Variants in NDST3 observed in about 807,000 individuals in gnomAD.
The protein encoded by NDST3 is N-deacetylase and N-sulfotransferase 3.
In NDST3, 58 loss-of-function variants were observed where a neutral mutation model predicts 96.1. The observed-to-expected ratio is 0.60, with a 90% CI of 0.49 to 0.75. The LOEUF is 0.75. Among genes scored for constraint, NDST3 ranks in the 30% least tolerant of loss-of-function variants. NDST3 has a pLI of 0.00. For missense variants in NDST3, 788 were observed against 1,034.2 expected (o/e 0.76, Z 3.27); for synonymous variants, 333 against 359.7 (o/e 0.93, Z 0.84).
At chr4:118,097,030 T>C (rs1373262248) in intron 2 of NDST3, among the ~76,000 whole-genome samples, 2 of 151,970 alleles carry the variant, frequency 1.3e-5, no homozygotes, top group African/African-American at 2.4e-5. Flanking sequence ...TAAGACTTCA[T>C]GTGATTGGAT....
At chr4:118,210,200 C>A (rs866481128) in intron 6 of NDST3, among the ~76,000 whole-genome samples, 1 of 152,012 alleles carries the variant, frequency 6.6e-6, no homozygotes, top group African/African-American at 2.4e-5. Flanking sequence ...GGGGTCATTG[C>A]CTGCTCTGCT....
rs1459181018 is a variant in NDST3 at position 118,055,089 on chromosome 4, T to C, written c.981+198T>C. ...TCTGAATCAAGAAAAATAAAGATTT[T>C]ACTAAAAGATTGAGTGTGGCAGGAT... On this transcript the variant is annotated intron_variant, in intron 2 of 13. Transcript: ENST00000296499. 6 of 684,002 alleles carry C rather than the reference T, an allele frequency of 8.8e-6. No individual in the cohort carries two copies. The Admixed American group carries it at 1.6e-4, about 19-fold the overall frequency. The allele number at this position is 684,002 out of a possible 1,614,324, so 42.4% of individuals were successfully genotyped here.
chr4:118,084,777 TTTTG>T (rs1728287118), intron 2 of NDST3, among the ~76,000 whole-genome samples: 1 of 152,176 alleles, frequency 6.6e-6, no homozygotes, highest in South Asian at 2.1e-4. Flanking sequence ...TCCATAGGAA[TTTTG>T]TTTCTTACCA....
Position 118,255,600 on chromosome 4 carries a change from CATT to C in NDST3, c.2511_2513del (p.Phe838del). The C allele has an allele frequency of 6.2e-7, 1 of 1,611,922 alleles. No individual in the cohort carries two copies. Among genetic ancestry groups the C allele is most frequent in the Non-Finnish European group, 8.5e-7 (1 of 1,178,696 alleles). ...CTCCTCCTCTCCACTTAGAGCAGGA[CATT>C]TCTGTCAAGCTACTATCGAGATCAC... On this transcript the variant is annotated inframe_deletion, in exon 14 of 14. Transcript: ENST00000296499.
chr4:118,069,102 A>G (rs1230656914), intron 2 of NDST3, among the ~76,000 whole-genome samples: 1 of 151,466 alleles, frequency 6.6e-6, no homozygotes, highest in African/African-American at 2.4e-5. Flanking sequence ...AAGTAATGAA[A>G]GGTACATTGC....
intron 6 of NDST3, among the ~76,000 whole-genome samples, chr4:118,202,642 T>A (rs1025769324): frequency 1.2e-4 from 18 of 152,218 alleles, no homozygotes; most frequent in African/African-American, 4.1e-4. Flanking sequence ...TAGAAAATGC[T>A]ACTGATTTTT....
intron 10 of NDST3, among the ~76,000 whole-genome samples, chr4:118,238,216 AAAG>A (rs1233076153): frequency 2.2e-5 from 3 of 135,744 alleles, no homozygotes; most frequent in African/African-American, 8.9e-5. Context: ...AGAAAGAAAG[AAAG>A]AAAGAAAAAG....
intron 6 of NDST3, among the ~76,000 whole-genome samples, chr4:118,178,086 A>G (rs963426444): frequency 1.3e-5 from 2 of 152,034 alleles, no homozygotes; most frequent in South Asian, 2.1e-4. Context: ...AAAAAAAAGC[A>G]TAAGTCCTTT....
At chr4:118,198,150 C>A (rs1383790473) in intron 6 of NDST3, among the ~76,000 whole-genome samples, 1 of 151,988 alleles carries the variant, frequency 6.6e-6, no homozygotes, top group Non-Finnish European at 1.5e-5. Flanking sequence ...GAACTGTGTC[C>A]ATTTACATTC....
chr4:118,232,683 G>GGAAA (rs201457518), intron 8 of NDST3, among the ~76,000 whole-genome samples: 17,799 of 149,940 alleles, frequency 0.12, 1,262 homozygotes, highest in South Asian at 0.19. Context: ...GAAAAGAAAA[G>GGAAA]GAAAGAAACA....
At chr4:118,158,120 T>C (rs1433629697) in intron 6 of NDST3, among the ~76,000 whole-genome samples, 1 of 152,124 alleles carries the variant, frequency 6.6e-6, no homozygotes, top group African/African-American at 2.4e-5. Context: ...TATTTAAATT[T>C]GAAATGAGGA....
At chr4:118,145,346 T>A (rs532673386) in intron 6 of NDST3, among the ~76,000 whole-genome samples, 1 of 152,210 alleles carries the variant, frequency 6.6e-6, no homozygotes, top group African/African-American at 2.4e-5. Flanking sequence ...ACATTTACTT[T>A]CATCATAGAG....
intron 6 of NDST3, among the ~76,000 whole-genome samples, chr4:118,178,258 A>G (rs1174014555): frequency 2.0e-5 from 3 of 152,020 alleles, no homozygotes; most frequent in Admixed American, 1.3e-4. Flanking sequence ...GCACATTCAC[A>G]TTGTTGTGAC....
intron 2 of NDST3, among the ~76,000 whole-genome samples, chr4:118,067,591 T>C (rs964279897): frequency 1.3e-5 from 2 of 152,132 alleles, no homozygotes; most frequent in Admixed American, 6.6e-5. Context: ...CAGCTGCTCA[T>C]TGTATTCAAA....
At chr4:118,161,827 A>C (rs1430934220) in intron 6 of NDST3, among the ~76,000 whole-genome samples, 4 of 152,136 alleles carry the variant, frequency 2.6e-5, no homozygotes, top group Admixed American at 1.3e-4. Context: ...GAGCTTCCCG[A>C]GTGAGGCAAT....
At chr4:118,175,863 T>A (rs17049650) in intron 6 of NDST3, among the ~76,000 whole-genome samples, 6,929 of 152,196 alleles carry the variant, frequency 0.046, 307 homozygotes, top group African/African-American at 0.11. Context: ...AAATGTGTGT[T>A]CTCAGTGTGG....
At chr4:118,103,586 G>A (rs1195062286) in intron 2 of NDST3, among the ~76,000 whole-genome samples, 4 of 152,044 alleles carry the variant, frequency 2.6e-5, no homozygotes, top group African/African-American at 9.7e-5. Context: ...TCCAGCATCT[G>A]ACCTAGAAGT....
chr4:118,068,976 A>T (rs1468974120), intron 2 of NDST3, among the ~76,000 whole-genome samples: 2 of 152,076 alleles, frequency 1.3e-5, no homozygotes, highest in Admixed American at 1.3e-4. Flanking sequence ...GCCTATGGAG[A>T]TCAATATAGT....
intron 10 of NDST3, among the ~76,000 whole-genome samples, chr4:118,238,156 AAAGAAAGAAAGAAAGAAAG>A (rs1171569201): frequency 1.8e-4 from 1 of 5,678 alleles, no homozygotes; most frequent in African/African-American, 9.6e-4. Flanking sequence ...AAAAGAAAGA[AAAGAAAGAAAGAAAGAAAG>A]AAAGAAAGAA....
Sources: allele counts gnomAD v4.1 joint callset (sites outside exome capture counted in the v4.1 genomes callset), GRCh38; gene constraint gnomAD v4.1.1; transcripts MANE v1.5; gene names NCBI Gene and HGNC (gene_info 2026-07-23, HGNC 2026-07-21).